Variants in MINDY4 observed in about 807,000 individuals in gnomAD.
MINDY4 encodes the protein MINDY lysine 48 deubiquitinase 4, also known as probable ubiquitin carboxyl-terminal hydrolase MINDY-4.
MINDY4 carries 68 observed loss-of-function variants against 87.0 expected under a neutral mutation model. That is an observed-to-expected ratio of 0.78 (90% CI 0.64 to 0.96). The LOEUF (loss-of-function observed/expected upper bound fraction) is 0.96, where lower values mean the gene tolerates loss of function less well. Among genes scored for constraint, MINDY4 ranks in the 40% least tolerant of loss-of-function variants. The pLI is 0.00. For missense variants in MINDY4, 919 were observed against 928.2 expected (o/e 0.99, Z 0.13); for synonymous variants, 379 against 363.2 (o/e 1.04, Z -0.50).
At chr7:30,840,220 C>T (rs964109635) in intron 8 of MINDY4, among the ~76,000 whole-genome samples, 1 of 152,182 alleles carries the variant, frequency 6.6e-6, no homozygotes, top group African/African-American at 2.4e-5. Flanking sequence ...CCTCAAGAAG[C>T]CTCTGCACCA....
At chr7:30,782,328 C>G in intron 3 of MINDY4, 116 bp downstream of exon 3, 4 of 753,766 alleles carry the variant, frequency 5.3e-6, no homozygotes, top group Middle Eastern at 2.4e-4. Flanking sequence ...AATATAGTCT[C>G]TGTGTGTGTA....
chr7:30,889,062 G>T (rs1205715045), intron 17 of MINDY4, among the ~76,000 whole-genome samples: 1 of 152,170 alleles, frequency 6.6e-6, no homozygotes, highest in Non-Finnish European at 1.5e-5. Context: ...AAGGGGCCTG[G>T]GGACCAGGCT....
intron 15 of MINDY4, among the ~76,000 whole-genome samples, chr7:30,879,952 G>A (rs918796948): frequency 6.6e-6 from 1 of 152,084 alleles, no homozygotes; most frequent in East Asian, 1.9e-4. Flanking sequence ...AAATAATGGC[G>A]AATCTGAGGG....
intron 5 of MINDY4, among the ~76,000 whole-genome samples, chr7:30,809,580 A>G (rs1345568663): frequency 2.0e-5 from 3 of 152,038 alleles, no homozygotes; most frequent in South Asian, 2.1e-4. Flanking sequence ...ATACAATTCT[A>G]AGTTAATTTG....
chr7:30,771,488 A>G lies in MINDY4; in HGVS notation c.-6A>G. ...GGGCCTCGTGGGCAGAGCCAGAGCCAGAGCCATGGACAGCCTCTTCGTGGA... is the reference window on the plus strand; with the variant it reads ...GGGCCTCGTGGGCAGAGCCAGAGCCGGAGCCATGGACAGCCTCTTCGTGGA... On this transcript the variant is annotated 5_prime_UTR_variant, in exon 1 of 18. Transcript: ENST00000265299. 2 of 1,603,492 alleles carry G rather than the reference A, an allele frequency of 1.2e-6. No individual in the cohort carries two copies. Among genetic ancestry groups the G allele is most frequent in the African/African-American group, 1.3e-5 (1 of 75,008 alleles).
chr7:30,868,516 G>A (rs77811988), intron 13 of MINDY4, among the ~76,000 whole-genome samples: 4,971 of 152,320 alleles, frequency 0.033, 105 homozygotes, highest in Middle Eastern at 0.088. Flanking sequence ...CCCCTTCCGG[G>A]ATGTATGGAC....
chr7:30,818,924 C>T (rs1180307648), intron 5 of MINDY4, among the ~76,000 whole-genome samples: 2 of 152,054 alleles, frequency 1.3e-5, no homozygotes, highest in Non-Finnish European at 2.9e-5. Flanking sequence ...TAGTTTTATC[C>T]TTCCTTTTCA....
intron 13 of MINDY4, among the ~76,000 whole-genome samples, chr7:30,870,426 G>A (rs903830283): frequency 6.6e-6 from 1 of 152,202 alleles, no homozygotes; most frequent in Non-Finnish European, 1.5e-5. Flanking sequence ...GCTCTGCCAT[G>A]AGTCACTCCC....
chr7:30,839,063 G>A (rs1220400533), intron 7 of MINDY4, 137 bp from the exon 8 acceptor site: 1 of 565,374 alleles, frequency 1.8e-6, no homozygotes, highest in African/African-American at 1.9e-5. Context: ...AAAATAAAAA[G>A]AGAAGAGATG....
chr7:30,855,131 G>A (rs1157146395), intron 12 of MINDY4, among the ~76,000 whole-genome samples: 1 of 152,252 alleles, frequency 6.6e-6, no homozygotes, highest in Non-Finnish European at 1.5e-5. Flanking sequence ...GCAGGGGCCT[G>A]GGGGCCCCCT....
chr7:30,801,993 GA>G (rs1787665848), intron 5 of MINDY4, among the ~76,000 whole-genome samples: 1 of 152,050 alleles, frequency 6.6e-6, no homozygotes, highest in Non-Finnish European at 1.5e-5. Flanking sequence ...TACAGGCTGG[GA>G]AGATGTTCCA....
intron 5 of MINDY4, among the ~76,000 whole-genome samples, chr7:30,819,892 A>ATTTTTT (rs60124746): frequency 4.1e-5 from 4 of 96,680 alleles, no homozygotes; most frequent in African/African-American, 1.0e-4. Flanking sequence ...CATATAGATA[A>ATTTTTT]TTTTTTTTTT....
chr7:30,773,455 T>G (rs1010188829), intron 1 of MINDY4, among the ~76,000 whole-genome samples: 1 of 152,198 alleles, frequency 6.6e-6, no homozygotes, highest in African/African-American at 2.4e-5. Flanking sequence ...CTCCATTACT[T>G]GGCTCTGGCT....
At chr7:30,839,037 A>G (rs974648356) in intron 7 of MINDY4, among the ~76,000 whole-genome samples, 163 bp from the exon 8 acceptor site, 1 of 152,210 alleles carries the variant, frequency 6.6e-6, no homozygotes, top group African/African-American at 2.4e-5. Flanking sequence ...ATCAAATATA[A>G]GAAGAATGAG....
At chr7:30,836,419 C>T (rs184050664) in intron 6 of MINDY4, among the ~76,000 whole-genome samples, 11 of 152,318 alleles carry the variant, frequency 7.2e-5, no homozygotes, top group South Asian at 4.2e-4. Flanking sequence ...GCAACATCCT[C>T]GTGGTATGAA....
At chr7:30,869,655 G>T (rs950823084) in intron 13 of MINDY4, among the ~76,000 whole-genome samples, 2 of 152,094 alleles carry the variant, frequency 1.3e-5, no homozygotes, top group African/African-American at 4.8e-5. Flanking sequence ...AAGTCAGATT[G>T]CATTAGGGCC....
At position 30,865,010 on chromosome 7, in the gene MINDY4, C is replaced by T. The variant is rs149730496; in HGVS notation, c.1745+5686C>T. ...ACGGGCTCTTGGAGGTTTAAGTGTG[C>T]TGTTCTGAACGGGAGGGGTCCATGG... is the stretch of plus-strand genomic sequence containing the variant. On this transcript the variant is annotated intron_variant, in intron 13 of 17. Coordinates refer to ENST00000265299, the MANE Select transcript of MINDY4 (RefSeq NM_032222.3). Among the ~76,000 whole-genome samples the T allele has an allele frequency of 2.9e-3, 449 of 152,272 alleles. 1 individual carries two copies. Among genetic ancestry groups the T allele is most frequent in the African/African-American group, 0.01 (428 of 41,536 alleles).
At chr7:30,785,254 C>CCT (rs1275574234) in intron 3 of MINDY4, among the ~76,000 whole-genome samples, 1 of 123,900 alleles carries the variant, frequency 8.1e-6, no homozygotes. Context: ...TCTCTTACTT[C>CCT]CTCTCTCTCT....
chr7:30,885,548 A>G (rs1790604198), intron 17 of MINDY4, among the ~76,000 whole-genome samples: 1 of 152,078 alleles, frequency 6.6e-6, no homozygotes, highest in Admixed American at 6.5e-5. Flanking sequence ...AAAACCAAAA[A>G]ACACAAAGCG....
Sources: gnomAD v4.1 joint callset for allele counts (sites outside exome capture counted in the v4.1 genomes callset) on GRCh38, gnomAD v4.1.1 for gene constraint, MANE v1.5 for transcripts, NCBI Gene and HGNC (gene_info 2026-07-23, HGNC 2026-07-21) for gene names.